FGF14: variants seen among roughly 807,000 people sequenced by gnomAD.
The protein encoded by FGF14 is fibroblast growth factor 14, also known as fibroblast growth factor homologous factor 4.
In FGF14, 5 loss-of-function variants were observed where a neutral mutation model predicts 25.5. The observed-to-expected ratio is 0.20, with a 90% CI of 0.10 to 0.41. The LOEUF (loss-of-function observed/expected upper bound fraction) is 0.41, where lower values mean the gene tolerates loss of function less well. FGF14 is among the 10% of genes least tolerant of loss of function. FGF14 has a pLI of 1.00. For missense variants in FGF14, 222 were observed against 320.1 expected (o/e 0.69, Z 2.34); for synonymous variants, 138 against 118.3 (o/e 1.17, Z -1.08).
intron 1 of FGF14, among the ~76,000 whole-genome samples, chr13:102,158,664 G>C (rs1361098101): frequency 6.6e-6 from 1 of 151,380 alleles, no homozygotes; most frequent in East Asian, 1.9e-4. Flanking sequence ...AAAACTTAAA[G>C]TATAATAAAA....
intron 1 of FGF14, among the ~76,000 whole-genome samples, chr13:102,039,758 T>C (rs2041643618): frequency 6.6e-6 from 1 of 152,104 alleles, no homozygotes; most frequent in Non-Finnish European, 1.5e-5. Flanking sequence ...TATCTCTCTT[T>C]AGGGGATGTA....
intron 1 of FGF14, among the ~76,000 whole-genome samples, chr13:102,223,188 C>T (rs7985526): frequency 0.81 from 123,047 of 152,080 alleles, 50,184 homozygotes; most frequent in African/African-American, 0.91. Context: ...TGAGTGGGGG[C>T]AAGGGTGTAT....
At chr13:102,208,259 G>A (rs1324023167) in intron 1 of FGF14, among the ~76,000 whole-genome samples, 3 of 152,098 alleles carry the variant, frequency 2.0e-5, no homozygotes. Flanking sequence ...TTGAGGTCCT[G>A]GAGTGTGCTA....
intron 1 of FGF14, among the ~76,000 whole-genome samples, chr13:102,184,073 C>T (rs1312321126): frequency 6.6e-6 from 1 of 152,194 alleles, no homozygotes; most frequent in South Asian, 2.1e-4. Context: ...TGTGAAATCA[C>T]TGAGTTCCAG....
intron 1 of FGF14, among the ~76,000 whole-genome samples, chr13:101,935,018 C>T (rs1205637154): frequency 2.0e-5 from 3 of 152,074 alleles, no homozygotes; most frequent in African/African-American, 7.2e-5. Context: ...TCTTGCATAA[C>T]TTGTTTTAGG....
intron 1 of FGF14, among the ~76,000 whole-genome samples, chr13:102,334,361 A>C (rs781198752): frequency 6.6e-6 from 1 of 152,216 alleles, no homozygotes; most frequent in Admixed American, 6.5e-5. Context: ...AACCCACCTC[A>C]GAAGACATGA....
At chr13:101,867,165 G>A (rs1270578187) in intron 3 of FGF14, among the ~76,000 whole-genome samples, 2 of 152,110 alleles carry the variant, frequency 1.3e-5, no homozygotes, top group African/African-American at 4.8e-5. Context: ...CAGGGGACTG[G>A]ACTTGGCAGT....
At chr13:102,060,521 G>A (rs2042636838) in intron 1 of FGF14, among the ~76,000 whole-genome samples, 1 of 152,174 alleles carries the variant, frequency 6.6e-6, no homozygotes, top group Admixed American at 6.5e-5. Flanking sequence ...GCGAGACTCT[G>A]TCTCAAAAAA....
At chr13:102,130,459 T>C (rs1040450941) in intron 1 of FGF14, among the ~76,000 whole-genome samples, 1 of 152,164 alleles carries the variant, frequency 6.6e-6, no homozygotes, top group African/African-American at 2.4e-5. Flanking sequence ...CTTCTCCAAT[T>C]TTAAAGACCT....
intron 1 of FGF14, chr13:102,393,971 C>T (rs1595046762): frequency 6.6e-6 from 1 of 152,366 alleles, no homozygotes; most frequent in Admixed American, 6.5e-5. Context: ...AGTTTACTTA[C>T]AATCAGGACT....
chr13:101,949,649 TC>T (rs1408764944), intron 1 of FGF14, among the ~76,000 whole-genome samples: 1 of 152,178 alleles, frequency 6.6e-6, no homozygotes, highest in Admixed American at 6.5e-5. Context: ...GCCTATATTT[TC>T]CCCAGAAAGA....
chr13:102,114,634 C>T (rs998304403), intron 1 of FGF14, among the ~76,000 whole-genome samples: 1 of 152,166 alleles, frequency 6.6e-6, no homozygotes, highest in African/African-American at 2.4e-5. Flanking sequence ...TGCACATATA[C>T]AATGGAATAC....
At chr13:101,882,599 A>G (rs1385687378) in intron 1 of FGF14, among the ~76,000 whole-genome samples, 1 of 151,968 alleles carries the variant, frequency 6.6e-6, no homozygotes, top group Admixed American at 6.6e-5. Flanking sequence ...ATTTCTTTAA[A>G]TGTTTTATGT....
At chr13:101,970,531 T>C (rs1257689946) in intron 1 of FGF14, among the ~76,000 whole-genome samples, 12 of 152,148 alleles carry the variant, frequency 7.9e-5, no homozygotes, top group African/African-American at 2.9e-4. Context: ...AAAGAAGCCT[T>C]AGAATCAAGG....
Position 102,234,209 on chromosome 13 carries a change from T to A in FGF14, c.208+167262A>T, listed in dbSNP as rs562687035. Among the ~76,000 whole-genome samples, 151 of 149,824 alleles carry A rather than the reference T, an allele frequency of 1.0e-3. 13 individuals carry two copies. The highest frequency in any genetic ancestry group is 6.9e-3 in the Middle Eastern group (2 of 290). On this transcript the variant is annotated intron_variant, in intron 1 of 4. Transcript: ENST00000376131. The stretch of plus-strand genomic sequence containing the variant: ...TTAAATGTGAAGGTACTTAATACCA[T>A]GGAAATATACGCTTAAATGTGAAGG...
intron 1 of FGF14, among the ~76,000 whole-genome samples, chr13:102,050,772 A>G (rs1208578219): frequency 6.6e-6 from 1 of 152,188 alleles, no homozygotes; most frequent in Non-Finnish European, 1.5e-5. Flanking sequence ...GCAATACAGT[A>G]GAGAGAAAAA....
chr13:102,034,985 A>G (rs1439431157), intron 1 of FGF14, among the ~76,000 whole-genome samples: 4 of 152,108 alleles, frequency 2.6e-5, no homozygotes, highest in Non-Finnish European at 4.4e-5. Flanking sequence ...GTCTAATACC[A>G]TCTTCTGTGC....
chr13:102,289,495 G>T (rs1031356041), intron 1 of FGF14, among the ~76,000 whole-genome samples: 1 of 152,168 alleles, frequency 6.6e-6, no homozygotes, highest in Admixed American at 6.5e-5. Flanking sequence ...ATATGTAAAA[G>T]AATAAGGATG....
intron 1 of FGF14, among the ~76,000 whole-genome samples, chr13:102,135,060 C>CAA (rs1555364168): frequency 7.5e-4 from 104 of 139,272 alleles, no homozygotes; most frequent in African/African-American, 2.3e-3. Context: ...CACACACACA[C>CAA]AAATCCGCGT....
Sources: gnomAD v4.1 joint callset for allele counts (sites outside exome capture counted in the v4.1 genomes callset) on GRCh38, gnomAD v4.1.1 for gene constraint, MANE v1.5 for transcripts, NCBI Gene and HGNC (gene_info 2026-07-23, HGNC 2026-07-21) for gene names.